KAZN: variants seen among roughly 807,000 people sequenced by gnomAD.
KAZN encodes kazrin, periplakin interacting protein, also known as kazrin.
A neutral mutation model predicts 87.4 loss-of-function variants in KAZN; 40 were observed. The observed-to-expected ratio is 0.46, with a 90% confidence interval of 0.36 to 0.60. The LOEUF is 0.60. KAZN is among the 20% of genes least tolerant of loss of function. The probability of loss-of-function intolerance (pLI) is 0.00; values close to 1 mark genes in which losing one functional copy is unlikely to be tolerated. For synonymous variants in KAZN, 466 were observed against 458.3 expected (o/e 1.02, Z -0.22); for missense variants, 898 against 1,073.9 (o/e 0.84, Z 2.29).
At position 14,419,926 on chromosome 1, in the gene KAZN, G is replaced by C. The variant is rs192846259; in HGVS notation, c.250-179057G>C. On this transcript the variant is annotated intron_variant, in intron 2 of 16. Transcript: ENST00000636203. ...AACAATGGGATTTATTGCAAAGAGC[G>C]AAAGAACAAAACTTCCACAAGGTGG... 4.5e-3 allele frequency among the ~76,000 whole-genome samples: 678 copies of C among 152,218 alleles called. 3 individuals carry two copies. Among genetic ancestry groups the C allele is most frequent in the African/African-American group, 0.015 (617 of 41,526 alleles).
chr1:14,419,850 T>C (rs1179680465), intron 2 of KAZN, among the ~76,000 whole-genome samples: 1 of 152,096 alleles, frequency 6.6e-6, no homozygotes, highest in Non-Finnish European at 1.5e-5. Flanking sequence ...CCAGACACCT[T>C]TGCGGCGAGT....
chr1:14,649,719 G>GA (rs1265123976), intron 1 of KAZN, among the ~76,000 whole-genome samples: 3 of 152,096 alleles, frequency 2.0e-5, no homozygotes, highest in Admixed American at 6.6e-5. Flanking sequence ...AGAGTTAGGG[G>GA]AAAAAATGCA....
At chr1:13,947,603 G>T (rs149024620) in intron 1 of KAZN, among the ~76,000 whole-genome samples, 63 of 152,312 alleles carry the variant, frequency 4.1e-4, no homozygotes, top group African/African-American at 1.4e-3. Context: ...TGCCCTTAGG[G>T]CTGTATTAGT....
At chr1:14,542,877 G>C (rs2148497781) in intron 2 of KAZN, among the ~76,000 whole-genome samples, 1 of 152,204 alleles carries the variant, frequency 6.6e-6, no homozygotes, top group Non-Finnish European at 1.5e-5. Context: ...ACTCTAATGG[G>C]AGCTGCTCAC....
rs200850260 is a variant in KAZN at position 14,145,962 on chromosome 1, TTTTC to T, written c.92-34469_92-34466del. On this transcript the variant is annotated intron_variant, in intron 1 of 16. Transcript: ENST00000636203. ...GTTTACCTGATTTACATTTCCTTTT[TTTTC>T]TTTATCTGAATTTATGGTATTCTAA... 8.7e-3 allele frequency among the ~76,000 whole-genome samples: 1,311 copies of T among 150,060 alleles called. 18 individuals are homozygous for T. Among genetic ancestry groups the T allele is most frequent in the African/African-American group, 0.03 (1,254 of 41,362 alleles).
chr1:14,179,907 A>C (rs1646160604), intron 1 of KAZN, among the ~76,000 whole-genome samples: 1 of 152,226 alleles, frequency 6.6e-6, no homozygotes, highest in South Asian at 2.1e-4. Flanking sequence ...ATTATAGAGA[A>C]ATAATAATCC....
chr1:14,541,633 G>A (rs77815880), intron 2 of KAZN, among the ~76,000 whole-genome samples: 227 of 152,278 alleles, frequency 1.5e-3, no homozygotes, highest in African/African-American at 5.1e-3. Flanking sequence ...GAGGGCTTTC[G>A]GCATTTCAGA....
At chr1:14,948,547 T>A (rs1662105445) in intron 1 of KAZN, among the ~76,000 whole-genome samples, 9 of 152,186 alleles carry the variant, frequency 5.9e-5, no homozygotes. Flanking sequence ...TTTTCATCCC[T>A]GAACCACAGG....
intron 1 of KAZN, among the ~76,000 whole-genome samples, chr1:13,900,451 G>A (rs528283061): frequency 6.6e-6 from 1 of 152,196 alleles, no homozygotes; most frequent in East Asian, 1.9e-4. Flanking sequence ...ATGCCCCTTG[G>A]ACCACTGCTT....
chr1:14,286,206 T>A (rs554370871), intron 2 of KAZN, among the ~76,000 whole-genome samples: 1 of 152,328 alleles, frequency 6.6e-6, no homozygotes, highest in South Asian at 2.1e-4. Flanking sequence ...GAAGACACTC[T>A]TTTTAGCTTG....
intron 1 of KAZN, among the ~76,000 whole-genome samples, chr1:14,815,985 G>C (rs1268553569): frequency 6.6e-6 from 1 of 152,128 alleles, no homozygotes; most frequent in Admixed American, 6.5e-5. Flanking sequence ...AAGTGCCCTT[G>C]GTGACATTTC....
At chr1:14,022,208 A>G (rs964790429) in intron 1 of KAZN, among the ~76,000 whole-genome samples, 12 of 152,056 alleles carry the variant, frequency 7.9e-5, no homozygotes, top group South Asian at 4.2e-4. Flanking sequence ...CTTGTTCTTT[A>G]TACATGACAA....
At chr1:14,795,039 G>A (rs1182473156) in intron 1 of KAZN, among the ~76,000 whole-genome samples, 1 of 152,258 alleles carries the variant, frequency 6.6e-6, no homozygotes, top group Non-Finnish European at 1.5e-5. Flanking sequence ...TTTGCCAGAG[G>A]CTCTCGGGCC....
intron 2 of KAZN, among the ~76,000 whole-genome samples, chr1:15,003,814 C>T (rs1573035024): frequency 6.6e-6 from 1 of 152,222 alleles, no homozygotes; most frequent in South Asian, 2.1e-4. Flanking sequence ...CGTAAAATGT[C>T]CCTGCCTGCT....
In KAZN at chr1:14,199,885, T is replaced by A. The variant is rs140704500; in HGVS notation, c.249+19293T>A. 1.3e-3 allele frequency among the ~76,000 whole-genome samples: 198 copies of A among 152,180 alleles called. 1 individual carries two copies. Among genetic ancestry groups the A allele is most frequent in the African/African-American group, 4.6e-3 (189 of 41,534 alleles). ...ATCTTGGGCTTGCTGATAGGACAGATTATAAATTCTGCAAACTGTTTTCTA... is the reference window on the plus strand; with the variant it reads ...ATCTTGGGCTTGCTGATAGGACAGAATATAAATTCTGCAAACTGTTTTCTA... On this transcript the variant is annotated intron_variant, in intron 2 of 16. Transcript: ENST00000636203.
At chr1:14,064,371 G>A (rs72641641) in intron 1 of KAZN, among the ~76,000 whole-genome samples, 11,271 of 152,150 alleles carry the variant, frequency 0.074, 534 homozygotes, top group African/African-American at 0.11. Context: ...ACCAGAAAAG[G>A]CACGGTCAAC....
rs199907857 is a variant in KAZN, at chr1:14,094,394, A to T, written c.92-86041A>T. Reference sequence around the variant, plus strand: ...CCAAGGAAATGCCTTCAGGTAAGTCAAAAATTCAAGGACAAGGTTTTTCAC... The same window carrying T: ...CCAAGGAAATGCCTTCAGGTAAGTCTAAAATTCAAGGACAAGGTTTTTCAC... On this transcript the variant is annotated intron_variant, in intron 1 of 16. Transcript: ENST00000636203. Among the ~76,000 whole-genome samples, 67 of 152,344 alleles carry T rather than the reference A, an allele frequency of 4.4e-4. No homozygotes were observed. The East Asian group carries it at 6.0e-3, about 14-fold the overall frequency.
intron 2 of KAZN, among the ~76,000 whole-genome samples, chr1:14,416,526 C>G (rs1284029537): frequency 1.3e-5 from 2 of 152,100 alleles, no homozygotes; most frequent in African/African-American, 4.8e-5. Flanking sequence ...CACCTGAGGT[C>G]AGGCGTTCAA....
chr1:14,383,634 G>A (rs991269354), intron 2 of KAZN, among the ~76,000 whole-genome samples: 62 of 151,950 alleles, frequency 4.1e-4, no homozygotes, highest in African/African-American at 5.1e-4. Flanking sequence ...GTAGATATGC[G>A]GCATTATTTC....
Sources: allele counts gnomAD v4.1 joint callset (sites outside exome capture counted in the v4.1 genomes callset), GRCh38; gene constraint gnomAD v4.1.1; transcripts MANE v1.5; gene names NCBI Gene and HGNC (gene_info 2026-07-23, HGNC 2026-07-21).